The following ECPAS variants were observed in gnomAD, a reference collection of about 807,000 sequenced individuals.
The protein encoded by ECPAS is proteasome adapter and scaffold protein ECM29.
In ECPAS, 70 loss-of-function variants were observed where a neutral mutation model predicts 255.1. The observed-to-expected ratio is 0.27, with a 90% confidence interval of 0.23 to 0.33. The LOEUF (loss-of-function observed/expected upper bound fraction) is 0.33, where lower values mean the gene tolerates loss of function less well. Ranked by LOEUF, ECPAS falls within the 10% of genes least tolerant of loss-of-function variation. The pLI is 1.00. For missense variants in ECPAS, 1,817 were observed against 2,206.4 expected (o/e 0.82, Z 3.54); for synonymous variants, 784 against 775.0 (o/e 1.01, Z -0.19).
intron 41 of ECPAS, among the ~76,000 whole-genome samples, chr9:111,372,852 C>G (rs142843313): frequency 1.3e-5 from 2 of 151,930 alleles, no homozygotes; most frequent in African/African-American, 4.8e-5. Flanking sequence ...GGCAACATGG[C>G]GAAACCCCAC....
chr9:111,456,923 T>C (rs1403623178), intron 2 of ECPAS, among the ~76,000 whole-genome samples: 1 of 152,040 alleles, frequency 6.6e-6, no homozygotes, highest in Non-Finnish European at 1.5e-5. Context: ...ACAGAAGGCC[T>C]AGGACAGACT....
At position 111,384,513 on chromosome 9, in the gene ECPAS, G is replaced by A. The variant is rs1175878817; in HGVS notation, c.3681+9C>T. The stretch of plus-strand genomic sequence containing the variant: ...CCACTCCATTCCCAATGTAAGACGG[G>A]GTTTTCACCTTGCTCAGAGTTTTCA... On this transcript the variant is annotated intron_variant, in intron 34 of 49. Transcript: ENST00000684092. 1 of 1,612,808 alleles carries A rather than the reference G, an allele frequency of 6.2e-7. No individual in the cohort carries two copies. Among genetic ancestry groups the A allele is most frequent in the African/African-American group, 1.3e-5 (1 of 74,988 alleles).
At chr9:111,393,380 T>C (rs1328247608) in intron 27 of ECPAS, among the ~76,000 whole-genome samples, 1 of 152,164 alleles carries the variant, frequency 6.6e-6, no homozygotes, top group Non-Finnish European at 1.5e-5. Context: ...AAAAAAGCTA[T>C]TAGGAGAGAT....
intron 3 of ECPAS, among the ~76,000 whole-genome samples, chr9:111,446,870 G>A (rs898531321): frequency 6.6e-6 from 1 of 152,170 alleles, no homozygotes; most frequent in Non-Finnish European, 1.5e-5. Flanking sequence ...TTGTCAGTGA[G>A]ACATGATACC....
chr9:111,418,058 T>G, intron 16 of ECPAS, 52 bp from the exon 17 acceptor site: 1 of 1,495,134 alleles, frequency 6.7e-7, no homozygotes, highest in Non-Finnish European at 8.9e-7. Context: ...CAATGGGAAA[T>G]GATCATTTGA....
chr9:111,427,891 G>T, intron 10 of ECPAS, 151 bp downstream of exon 10: 1 of 574,910 alleles, frequency 1.7e-6, no homozygotes, highest in Non-Finnish European at 2.8e-6. Context: ...AAATCATATT[G>T]CAGCAAATTT....
At chr9:111,423,680 T>C (rs2098217572) in intron 12 of ECPAS, among the ~76,000 whole-genome samples, 1 of 152,142 alleles carries the variant, frequency 6.6e-6, no homozygotes, top group Non-Finnish European at 1.5e-5. Flanking sequence ...TCACCAAAAT[T>C]GCAATAAACT....
At chr9:111,398,947 A>T (rs1048161139) in intron 24 of ECPAS, among the ~76,000 whole-genome samples, 1 of 152,168 alleles carries the variant, frequency 6.6e-6, no homozygotes, top group Admixed American at 6.5e-5. Context: ...AAAAAAAAAA[A>T]GAATGAATGA....
chr9:111,483,411 G>T, intron 1 of ECPAS: 1 of 537,904 alleles, frequency 1.9e-6, no homozygotes, highest in Non-Finnish European at 2.4e-6. Flanking sequence ...CGCCCACCGG[G>T]CCTGGCGCCC....
intron 7 of ECPAS, among the ~76,000 whole-genome samples, chr9:111,434,036 ACT>A (rs570767647): frequency 6.1e-4 from 93 of 152,266 alleles, no homozygotes; most frequent in African/African-American, 2.2e-3. Context: ...ACTACAAATG[ACT>A]CTATTTAGGA....
Position 111,370,489 on chromosome 9 carries a change from G to T in ECPAS, c.4920C>A (p.Thr1640=). ...AGAACTCCTGGAATCTGTCCTCTTTGGTGGCCTTCAAGATATCAGCTGCAC... is the reference window on the plus strand; with the variant it reads ...AGAACTCCTGGAATCTGTCCTCTTTTGTGGCCTTCAAGATATCAGCTGCAC... ...ISCAADILKA[T]KEDRFQEFSN... Residue 1640 remains threonine (T), a synonymous_variant, in exon 45 of 50, where the codon ACC becomes ACA. Transcript: ENST00000684092. 1 of 1,610,956 alleles carries T rather than the reference G, an allele frequency of 6.2e-7. No homozygotes were observed. The highest frequency in any genetic ancestry group is 8.5e-7 in the Non-Finnish European group (1 of 1,178,520).
At chr9:111,483,417 C>A (rs1589251837) in intron 1 of ECPAS, 4 of 612,770 alleles carry the variant, frequency 6.5e-6, no homozygotes, top group African/African-American at 2.0e-5. Flanking sequence ...CCGGGCCTGG[C>A]GCCCCAGCCC....
chr9:111,460,461 A>T (rs2098271841), intron 2 of ECPAS, among the ~76,000 whole-genome samples: 1 of 152,208 alleles, frequency 6.6e-6, no homozygotes, highest in Admixed American at 6.5e-5. Flanking sequence ...TTCTATTCAA[A>T]TTTGTACTGC....
chr9:111,440,505 T>C lies in ECPAS; in HGVS notation c.406A>G (p.Ile136Val). 1 of 1,602,962 alleles carries C rather than the reference T, an allele frequency of 6.2e-7. No homozygotes were observed. The highest frequency in any genetic ancestry group is 8.5e-7 in the Non-Finnish European group (1 of 1,173,668). The change falls in exon 6 of 50, where the codon ATA (isoleucine) becomes GTA (valine). Residue 136 changes from isoleucine to valine, a missense_variant. Transcript: ENST00000684092. ...TATTTCATGTGAAAAAGGGTTGGTA[T>C]TAAAAGATGCATTAAGCTGAAAAAA... The part of the protein sequence containing the change: ...PQQDSLMHLL[I>V]PTLFHMKYPV...
In ECPAS at chr9:111,472,910, G is replaced by A; in HGVS notation, c.9C>T (p.His3=). 1.6e-6 allele frequency: 2 copies of A among 1,235,526 alleles called. No homozygotes were observed. The highest frequency in any genetic ancestry group is 1.4e-5 in the South Asian group (1 of 70,674). 76.5% of individuals were successfully genotyped at this position (1,235,526 alleles called of 1,614,324 possible). The change falls in exon 2 of 50, where the codon CAC becomes CAT. Residue 3 remains histidine, a synonymous_variant. Transcript: ENST00000684092. MY[H]IDCRDQLERV... ...AAATCTACTAACCTCTACAATCAATGTGATACATGGTTTATCCAATCTTGA... is the reference window on the plus strand; with the variant it reads ...AAATCTACTAACCTCTACAATCAATATGATACATGGTTTATCCAATCTTGA...
intron 1 of ECPAS, among the ~76,000 whole-genome samples, chr9:111,479,169 AATAC>A (rs1304103524): frequency 2.0e-5 from 3 of 152,228 alleles, no homozygotes; most frequent in Non-Finnish European, 4.4e-5. Context: ...TCTGAGGAAT[AATAC>A]ATACAAAGCA....
chr9:111,421,056 T>C (rs909465198), intron 15 of ECPAS, among the ~76,000 whole-genome samples: 10 of 152,176 alleles, frequency 6.6e-5, no homozygotes, highest in African/African-American at 2.4e-4. Flanking sequence ...AGTATTCTGT[T>C]CTAATGAGCT....
intron 45 of ECPAS, among the ~76,000 whole-genome samples, chr9:111,370,036 T>C (rs914222973): frequency 6.6e-6 from 1 of 152,362 alleles, no homozygotes; most frequent in South Asian, 2.1e-4. Context: ...GGCTAAGTAC[T>C]GACCAACAGG....
At chr9:111,454,297 CGGTGGGGGGAGATGGGGG>C (rs2131978834) in intron 2 of ECPAS, among the ~76,000 whole-genome samples, 1 of 29,318 alleles carries the variant, frequency 3.4e-5, no homozygotes, top group African/African-American at 1.5e-4. Flanking sequence ...TTAAAGAAAA[CGGTGGGGGGAGATGGGGG>C]GGTGGGGTGC....
Sources: allele counts gnomAD v4.1 joint callset (sites outside exome capture counted in the v4.1 genomes callset), GRCh38; gene constraint gnomAD v4.1.1; transcripts MANE v1.5; gene names NCBI Gene and HGNC (gene_info 2026-07-23, HGNC 2026-07-21).